The following WASF3 variants were observed in gnomAD, a reference collection of about 807,000 sequenced individuals.
WASF3 encodes WASP family member 3, also known as actin-binding protein WASF3.
In WASF3, 11 loss-of-function variants were observed where a neutral mutation model predicts 46.6. The ratio of observed to expected loss-of-function variants is 0.24; its 90% confidence interval spans 0.15 to 0.39. The LOEUF is 0.39. Among genes scored for constraint, WASF3 ranks in the 10% least tolerant of loss-of-function variants. WASF3 has a pLI of 1.00. For synonymous variants in WASF3, 242 were observed against 259.7 expected, an observed-to-expected ratio of 0.93 and a Z score of 0.65; for missense variants, 576 against 669.8, an observed-to-expected ratio of 0.86 and a Z score of 1.55.
chr13:26,655,237 G>T (rs1405203084), intron 3 of WASF3, among the ~76,000 whole-genome samples: 1 of 152,086 alleles, frequency 6.6e-6, no homozygotes, highest in Non-Finnish European at 1.5e-5. Context: ...TTATGACCTT[G>T]ACACTTTTAT....
At chr13:26,602,361 C>T (rs190346956) in intron 1 of WASF3, among the ~76,000 whole-genome samples, 54 of 152,256 alleles carry the variant, frequency 3.5e-4, no homozygotes, top group African/African-American at 1.3e-3. Flanking sequence ...GGTGACTGAA[C>T]TTTTACATTT....
At chr13:26,652,473 G>A (rs949741353) in intron 3 of WASF3, among the ~76,000 whole-genome samples, 1 of 152,190 alleles carries the variant, frequency 6.6e-6, no homozygotes, top group Non-Finnish European at 1.5e-5. Flanking sequence ...GACAGAAAAT[G>A]TGTAAGGATA....
intron 1 of WASF3, among the ~76,000 whole-genome samples, chr13:26,611,641 A>G (rs1050206854): frequency 1.3e-5 from 2 of 152,186 alleles, no homozygotes; most frequent in Non-Finnish European, 2.9e-5. Context: ...AAACCCAGGG[A>G]TAATTTTCTG....
chr13:26,555,913 C>T (rs572575491), upstream of WASF3, among the ~76,000 whole-genome samples: 1 of 152,190 alleles, frequency 6.6e-6, no homozygotes, highest in African/African-American at 2.4e-5. Flanking sequence ...AATCCTCTAA[C>T]AAGACTGCTC....
rs566414468 is a variant in WASF3 at position 26,576,682 on chromosome 13, AT to A, written c.-109+18868del. Reference sequence around the variant, plus strand: ...GAAGAGTCATCTGAAGATCATATTCATTTTTCATAGTTTGTTGTTAGTATGT... The same window carrying A: ...GAAGAGTCATCTGAAGATCATATTCATTTTCATAGTTTGTTGTTAGTATGT... On this transcript the variant is annotated intron_variant, in intron 1 of 9. Transcript: ENST00000335327. Among the ~76,000 whole-genome samples, 11 of 152,302 alleles carry A rather than the reference AT, an allele frequency of 7.2e-5. No individual in the cohort carries two copies. In the South Asian group the frequency reaches 2.1e-3, roughly 29 times the overall value.
At chr13:26,683,637 A>T (rs1017836139) in intron 9 of WASF3, among the ~76,000 whole-genome samples, 2 of 129,150 alleles carry the variant, frequency 1.5e-5, no homozygotes, top group South Asian at 2.4e-4. Context: ...TGATTTCTTT[A>T]AAAAAAAAAA....
chr13:26,610,881 AGG>A (rs2137221099), intron 1 of WASF3, among the ~76,000 whole-genome samples: 1 of 152,286 alleles, frequency 6.6e-6, no homozygotes, highest in South Asian at 2.1e-4. Flanking sequence ...TTGTCAAATG[AGG>A]CTACGTATTC....
chr13:26,675,953 T>C (rs1883057150), intron 6 of WASF3, among the ~76,000 whole-genome samples: 1 of 152,192 alleles, frequency 6.6e-6, no homozygotes, highest in Non-Finnish European at 1.5e-5. Context: ...AGCACCTGTT[T>C]AAGAACTAAG....
At chr13:26,581,972 G>A (rs889558085) in intron 1 of WASF3, among the ~76,000 whole-genome samples, 13 of 152,234 alleles carry the variant, frequency 8.5e-5, no homozygotes, top group African/African-American at 3.1e-4. Context: ...TTTATAGACA[G>A]TAAATTCTAT....
Position 26,592,159 on chromosome 13 carries a change from G to T in WASF3, c.-108-20802G>T, listed in dbSNP as rs556594449. Among the ~76,000 whole-genome samples the T allele has an allele frequency of 5.3e-5, 8 of 151,540 alleles. No individual in the cohort carries two copies. In the East Asian group the frequency reaches 1.6e-3, roughly 30 times the overall value. ...TCATGATATCACCAATCTCTACAAA[G>T]TGATTTATTTAACTAATCTCTAATA... On this transcript the variant is annotated intron_variant, in intron 1 of 9. Coordinates refer to ENST00000335327, the MANE Select transcript of WASF3 (RefSeq NM_006646.6).
upstream of WASF3, among the ~76,000 whole-genome samples, chr13:26,554,368 C>G (rs921166205): frequency 2.0e-5 from 3 of 151,878 alleles, no homozygotes; most frequent in African/African-American, 7.3e-5. Flanking sequence ...TGACCTCAAG[C>G]AAGTCTCCTG....
intron 1 of WASF3, among the ~76,000 whole-genome samples, chr13:26,596,424 A>G (rs939245458): frequency 1.4e-4 from 21 of 150,230 alleles, no homozygotes; most frequent in African/African-American, 4.7e-4. Flanking sequence ...TTTTCCCCAC[A>G]CCTCAGCATT....
At chr13:26,614,706 C>T (rs181420423) in intron 2 of WASF3, among the ~76,000 whole-genome samples, 3 of 152,190 alleles carry the variant, frequency 2.0e-5, no homozygotes, top group South Asian at 2.1e-4. Context: ...TTTTTTAACA[C>T]GGATACTGTC....
chr13:26,620,920 G>T (rs561746348), intron 2 of WASF3, among the ~76,000 whole-genome samples: 1 of 152,274 alleles, frequency 6.6e-6, no homozygotes, highest in African/African-American at 2.4e-5. Flanking sequence ...ACACAAAGTT[G>T]CCTTTTTCTG....
At chr13:26,676,511 C>A (rs761977828) in intron 6 of WASF3, 38 bp from the exon 7 acceptor site, 1 of 1,598,804 alleles carries the variant, frequency 6.3e-7, no homozygotes, top group Non-Finnish European at 8.5e-7. Flanking sequence ...CCTTTCCCTT[C>A]TGTCTTGGCA....
chr13:26,559,252 C>G (rs75891878), intron 1 of WASF3, among the ~76,000 whole-genome samples: 2 of 152,192 alleles, frequency 1.3e-5, no homozygotes, highest in African/African-American at 4.8e-5. Flanking sequence ...AAAGCTGTGT[C>G]TTTTCACATG....
intron 5 of WASF3, 104 bp from the exon 6 acceptor site, chr13:26,671,768 G>T (rs1253447690): frequency 6.8e-6 from 5 of 740,380 alleles, no homozygotes; most frequent in Admixed American, 2.8e-5. Flanking sequence ...AGTGCCCCAT[G>T]TAGATGTTAT....
At chr13:26,549,566 T>G in the WASF3 span, among the ~76,000 whole-genome samples, 1 of 152,186 alleles carries the variant, frequency 6.6e-6, no homozygotes, top group Non-Finnish European at 1.5e-5. Context: ...GACTGGGAAC[T>G]AAGGCAACCT....
rs1879141872 is a variant in WASF3 at position 26,557,765 on chromosome 13, C to A, written c.-163C>A. 3.9e-6 allele frequency: 1 copy of A among 253,400 alleles called. No individual in the cohort carries two copies. The highest frequency in any genetic ancestry group is 7.4e-5 in the East Asian group (1 of 13,458). 15.7% of individuals were successfully genotyped at this position (253,400 alleles called of 1,614,324 possible). On this transcript the variant is annotated 5_prime_UTR_variant, in exon 1 of 10. Coordinates refer to ENST00000335327, the MANE Select transcript of WASF3 (RefSeq NM_006646.6). The stretch of plus-strand genomic sequence containing the variant: ...GGTGCGCCGGGCGGCCGCGGCGCGG[C>A]GGGACCATGGAGCTCAGAGCGCAGC...
Sources: gnomAD v4.1 joint callset for allele counts (sites outside exome capture counted in the v4.1 genomes callset) on GRCh38, gnomAD v4.1.1 for gene constraint, MANE v1.5 for transcripts, NCBI Gene and HGNC (gene_info 2026-07-23, HGNC 2026-07-21) for gene names.